Variants in CCNB3 observed in about 807,000 individuals in gnomAD.
The protein encoded by CCNB3 is G2/mitotic-specific cyclin-B3.
In CCNB3, 12 loss-of-function variants were observed where a neutral mutation model predicts 68.0. That is an observed-to-expected ratio of 0.18 (90% CI 0.11 to 0.29). CCNB3 has a LOEUF of 0.29. CCNB3 is among the 10% of genes least tolerant of loss of function. The pLI is 1.00. For synonymous variants in CCNB3, 354 were observed against 388.9 expected, an observed-to-expected ratio of 0.91 and a Z score of 1.06; for missense variants, 904 against 993.1, an observed-to-expected ratio of 0.91 and a Z score of 1.21.
At chrX:50,209,311 C>T (rs1293532226) in intron 1 of CCNB3, among the ~76,000 whole-genome samples, 1 of 110,772 alleles carries the variant, frequency 9.0e-6, no homozygotes, top group Non-Finnish European at 1.9e-5. Context: ...TGATATCGAC[C>T]CTCTTAACAA....
intron 1 of CCNB3, among the ~76,000 whole-genome samples, chrX:50,212,298 G>T (rs1935496565): frequency 9.0e-6 from 1 of 111,487 alleles, no homozygotes; most frequent in African/African-American, 3.3e-5. Context: ...AAGTGGTAAT[G>T]GTTCTTGAAG....
intron 3 of CCNB3, among the ~76,000 whole-genome samples, chrX:50,287,076 C>A (rs782732864): frequency 8.9e-6 from 1 of 112,231 alleles, no homozygotes; most frequent in Admixed American, 9.4e-5. Context: ...TGGTCTGATC[C>A]CAGTGTCCTG....
At chrX:50,226,126 G>T (rs1355433711) in intron 1 of CCNB3, among the ~76,000 whole-genome samples, 1 of 67,489 alleles carries the variant, frequency 1.5e-5, no homozygotes, top group Non-Finnish European at 2.6e-5. Flanking sequence ...ATATATATTC[G>T]ATATATATAA....
chrX:50,304,295 A>C lies in CCNB3; in HGVS notation c.336-4210A>C, dbSNP rs1441062767. Among the ~76,000 whole-genome samples the C allele has an allele frequency of 9.9e-5, 11 of 111,583 alleles. No homozygotes were observed. The Admixed American group carries it at 1.1e-3, about 11-fold the overall frequency. On this transcript the variant is annotated intron_variant, in intron 5 of 12. Coordinates refer to ENST00000376042, the MANE Select transcript of CCNB3 (RefSeq NM_033031.3). ...CTCCAAATTTTGTTCTTCTTTTTCA[A>C]GATTGTTTTGACTATTTTGGGTTCC...
At chrX:50,217,387 C>T in intron 1 of CCNB3, among the ~76,000 whole-genome samples, 1 of 105,278 alleles carries the variant, frequency 9.5e-6, no homozygotes, top group East Asian at 3.0e-4. Context: ...ATTCTCCTGC[C>T]TTAGCCTCCT....
chrX:50,313,309 A>G (rs782165704), intron 7 of CCNB3, among the ~76,000 whole-genome samples: 9 of 111,525 alleles, frequency 8.1e-5, no homozygotes, highest in African/African-American at 2.9e-4. Flanking sequence ...AGAGAGTGCA[A>G]TTGATTAACT....
rs2147059349 is a variant in CCNB3 at position 50,308,688 on chromosome X, T to C, written c.519T>C (p.Asn173=). 8.3e-7 allele frequency: 1 copy of C among 1,209,572 alleles called. No individual in the cohort carries two copies. Among genetic ancestry groups the C allele is most frequent in the East Asian group, 3.0e-5 (1 of 33,759 alleles). ...CTATTGAGGATGAAACCCTTATCAA[T>C]AAGTCATTATCTTTAAAAAAGTGCT... The part of the protein sequence containing the change: ...EPTIEDETLI[N]KSLSLKKCSN... The change falls in exon 6 of 13, where the codon AAT becomes AAC. Residue 173 remains asparagine (N), a synonymous_variant. Transcript: ENST00000376042.
At chrX:50,289,105 T>C (rs1321505585) in intron 4 of CCNB3, among the ~76,000 whole-genome samples, 2 of 111,848 alleles carry the variant, frequency 1.8e-5, no homozygotes, top group African/African-American at 6.5e-5. Context: ...CAGACAGTGA[T>C]TATCAGATAT....
chrX:50,225,149 C>G lies in CCNB3; in HGVS notation c.-113+20199C>G, dbSNP rs1251903088. Among the ~76,000 whole-genome samples, 5 of 110,857 alleles carry G rather than the reference C, an allele frequency of 4.5e-5. No homozygotes were observed. The East Asian group carries it at 1.4e-3, about 31-fold the overall frequency. On this transcript the variant is annotated intron_variant, in intron 1 of 12. Transcript: ENST00000376042. ...GAGTATAATGGAGTGGGAGAAGAATCCTCCTTTAAATAACATGGGCAGGGA... is the reference window on the plus strand; with the variant it reads ...GAGTATAATGGAGTGGGAGAAGAATGCTCCTTTAAATAACATGGGCAGGGA...
rs781785653 is a variant in CCNB3, at chrX:50,323,135, C to G, written c.3516+9187C>G. 4.5e-5 allele frequency among the ~76,000 whole-genome samples: 5 copies of G among 111,566 alleles called. No individual in the cohort carries two copies. The South Asian group carries it at 1.9e-3, about 43-fold the overall frequency. On this transcript the variant is annotated intron_variant, in intron 8 of 12. Coordinates refer to ENST00000376042, the MANE Select transcript of CCNB3 (RefSeq NM_033031.3). ...ACATGCACATGTATGTTTATTGCAG[C>G]ACTATTCACATTAGCAAAGACTTGG... is the stretch of plus-strand genomic sequence containing the variant.
At chrX:50,228,746 A>G (rs1352124630) in intron 1 of CCNB3, among the ~76,000 whole-genome samples, 1 of 66,418 alleles carries the variant, frequency 1.5e-5, no homozygotes, top group Non-Finnish European at 2.7e-5. Context: ...AGAAACATAT[A>G]GAATATATAG....
chrX:50,291,418 T>A (rs1265255248), intron 4 of CCNB3, among the ~76,000 whole-genome samples: 3 of 111,589 alleles, frequency 2.7e-5, no homozygotes, highest in Non-Finnish European at 3.8e-5. Flanking sequence ...ATTGCCACCA[T>A]GCCCAGCTAA....
At position 50,351,603 on chromosome X, in the gene CCNB3, G is replaced by T. The variant is rs1557221189; in HGVS notation, c.4092-4G>T. ...TGCTGAGGAGACCCCTCTTCCTTTT[G>T]CAGGGTCTTCTTTGAAGTCGCCAAA... is the stretch of plus-strand genomic sequence containing the variant. On this transcript the variant is annotated splice_polypyrimidine_tract_variant and splice_region_variant and intron_variant, in intron 12 of 12. Transcript: ENST00000376042. The T allele has an allele frequency of 3.3e-6, 4 of 1,205,910 alleles. No homozygotes were observed. The African/African-American group carries it at 5.3e-5, about 16-fold the overall frequency.
intron 5 of CCNB3, among the ~76,000 whole-genome samples, chrX:50,299,241 AT>A (rs1557211825): frequency 1.8e-5 from 2 of 110,162 alleles, no homozygotes; most frequent in African/African-American, 6.6e-5. Flanking sequence ...TCCATTTTAG[AT>A]CTTTCCTGCT....
In CCNB3 at chrX:50,208,947, C is replaced by G. The variant is rs1356490588; in HGVS notation, c.-113+3997C>G. 6.3e-5 allele frequency among the ~76,000 whole-genome samples: 7 copies of G among 111,478 alleles called. No homozygotes were observed. In the Admixed American group the frequency reaches 6.6e-4, roughly 11 times the overall value. On this transcript the variant is annotated intron_variant, in intron 1 of 12. Coordinates refer to ENST00000376042, the MANE Select transcript of CCNB3 (RefSeq NM_033031.3). ...TGGGACTATTCAAATGATATATTTC[C>G]TATTGGGTGTGTTGTGGCAGTTTGT...
At chrX:50,220,582 G>A (rs902178959) in intron 1 of CCNB3, among the ~76,000 whole-genome samples, 10 of 111,368 alleles carry the variant, frequency 9.0e-5, no homozygotes, top group East Asian at 5.6e-4. Flanking sequence ...ATTGATTTGC[G>A]TATGTTGACG....
rs144485159 is a variant in CCNB3 at position 50,341,509 on chromosome X, T to C, written c.3517-693T>C. ...AGAAGGAAAGAAATAATAAAGACGA[T>C]GGCAAGAATAAATGAAATAGAGACT... is the stretch of plus-strand genomic sequence containing the variant. On this transcript the variant is annotated intron_variant, in intron 8 of 12. Transcript: ENST00000376042. Among the ~76,000 whole-genome samples the C allele has an allele frequency of 7.0e-3, 704 of 101,180 alleles. 21 individuals are homozygous for C. Among genetic ancestry groups the C allele is most frequent in the Admixed American group, 0.053 (497 of 9,328 alleles). The allele number at this position is 101,180 out of a possible 115,157, so 87.9% of individuals were successfully genotyped here.
chrX:50,333,536 G>A (rs1348908337), intron 8 of CCNB3, among the ~76,000 whole-genome samples: 1 of 111,029 alleles, frequency 9.0e-6, no homozygotes, highest in East Asian at 2.8e-4. Flanking sequence ...TAGAAGTACC[G>A]GCCCAACAAT....
In CCNB3 at chrX:50,311,140, A is replaced by G. The variant is rs150487047; in HGVS notation, c.2971A>G (p.Ile991Val). 184 of 1,206,003 alleles carry G rather than the reference A, an allele frequency of 1.5e-4. No homozygotes were observed. The African/African-American group carries it at 2.9e-3, about 19-fold the overall frequency. Residue 991 changes from isoleucine (I) to valine (V), a missense_variant, in exon 6 of 13, where the codon ATT becomes GTT. Physicochemically the swap from Ile to Val is conservative, Grantham distance 29. Coordinates refer to ENST00000376042, the MANE Select transcript of CCNB3 (RefSeq NM_033031.3). ...APESITSKSS[I>V]ATMTSVGKSG... ...TGAATCCATAACCAGCAAGTCCAGC[A>G]TTGCTACCATGACCAGTGTGGGCAA...
Sources: allele counts gnomAD v4.1 joint callset (sites outside exome capture counted in the v4.1 genomes callset), GRCh38; gene constraint gnomAD v4.1.1; transcripts MANE v1.5; gene names NCBI Gene and HGNC (gene_info 2026-07-23, HGNC 2026-07-21).